Variants in RRAS2 observed in about 807,000 individuals in gnomAD.
RRAS2 encodes RAS related 2, also known as ras-related protein R-Ras2.
RRAS2 carries 7 observed loss-of-function variants against 27.6 expected under a neutral mutation model. The observed-to-expected ratio is 0.25, with a 90% CI of 0.14 to 0.48. The LOEUF (loss-of-function observed/expected upper bound fraction) is 0.48. Among genes scored for constraint, RRAS2 ranks in the 20% least tolerant of loss-of-function variants. The pLI is 0.99. For synonymous variants in RRAS2, 86 were observed against 90.9 expected (o/e 0.95, Z 0.31); for missense variants, 178 against 256.2 (o/e 0.69, Z 2.08).
chr11:14,362,634 A>G (rs567425385), upstream of RRAS2, among the ~76,000 whole-genome samples: 1 of 152,362 alleles, frequency 6.6e-6, no homozygotes, highest in African/African-American at 2.4e-5. Flanking sequence ...TTTTCATGAA[A>G]AAGAATGATC....
chr11:14,349,026 C>T (rs1159757336), intron 1 of RRAS2, among the ~76,000 whole-genome samples: 3 of 152,162 alleles, frequency 2.0e-5, no homozygotes, highest in South Asian at 2.1e-4. Flanking sequence ...AGTGCAGTGG[C>T]GCGATCTCGG....
At chr11:14,343,648 C>G (rs192305277) in intron 1 of RRAS2, among the ~76,000 whole-genome samples, 2 of 151,218 alleles carry the variant, frequency 1.3e-5, no homozygotes, top group African/African-American at 2.4e-5. Context: ...CTGGGCAGCA[C>G]GGCGAAACCC....
At chr11:14,323,881 ACT>A (rs1213590364) in intron 1 of RRAS2, among the ~76,000 whole-genome samples, 1 of 152,044 alleles carries the variant, frequency 6.6e-6, no homozygotes, top group Non-Finnish European at 1.5e-5. Flanking sequence ...GAATATATAG[ACT>A]TTTTTAAAAT....
intron 4 of RRAS2, among the ~76,000 whole-genome samples, chr11:14,283,945 T>G (rs1482581976): frequency 6.6e-6 from 1 of 152,294 alleles, no homozygotes; most frequent in Non-Finnish European, 1.5e-5. Context: ...GCAATCCTCC[T>G]GCCTCAGCCT....
chr11:14,303,539 C>G (rs371442732), intron 1 of RRAS2, among the ~76,000 whole-genome samples: 1 of 152,152 alleles, frequency 6.6e-6, no homozygotes, highest in African/African-American at 2.4e-5. Context: ...GAGTTTGAGA[C>G]CGGCCTCAGC....
At chr11:14,295,511 A>G (rs1847520939) in intron 2 of RRAS2, among the ~76,000 whole-genome samples, 1 of 152,186 alleles carries the variant, frequency 6.6e-6, no homozygotes, top group Non-Finnish European at 1.5e-5. Flanking sequence ...GTCCCAATAA[A>G]ATCAACTTCA....
chr11:14,295,051 G>GT (rs1392838990), intron 2 of RRAS2, among the ~76,000 whole-genome samples, 189 bp from the exon 3 acceptor site: 2 of 152,130 alleles, frequency 1.3e-5, no homozygotes, highest in Admixed American at 6.5e-5. Flanking sequence ...CAGTTACAGA[G>GT]TTTATCTTCA....
At chr11:14,317,719 C>T (rs1848140655) in intron 1 of RRAS2, among the ~76,000 whole-genome samples, 1 of 152,118 alleles carries the variant, frequency 6.6e-6, no homozygotes, top group Admixed American at 6.5e-5. Flanking sequence ...AATGAACTTA[C>T]TAGTTTTTCC....
At chr11:14,340,621 T>C (rs1848684737) in intron 1 of RRAS2, among the ~76,000 whole-genome samples, 1 of 152,188 alleles carries the variant, frequency 6.6e-6, no homozygotes, top group Admixed American at 6.5e-5. Context: ...AAGCAAATGC[T>C]TTTTCAAGTT....
At chr11:14,343,147 T>C (rs963124251) in intron 1 of RRAS2, among the ~76,000 whole-genome samples, 23 of 152,198 alleles carry the variant, frequency 1.5e-4, no homozygotes, top group African/African-American at 4.6e-4. Context: ...GACAACTTCA[T>C]TGGATAATCA....
chr11:14,339,322 TA>T (rs1203596321), intron 1 of RRAS2, among the ~76,000 whole-genome samples: 1 of 115,254 alleles, frequency 8.7e-6, no homozygotes, highest in African/African-American at 3.2e-5. Flanking sequence ...AAATCTATAA[TA>T]AAAAAATAAA....
rs559846399 is a variant in RRAS2 at position 14,358,195 on chromosome 11, A to T, written c.108+568T>A. 4.1e-6 allele frequency: 4 copies of T among 982,974 alleles called. No homozygotes were observed. The highest frequency in any genetic ancestry group is 6.1e-5 in the Admixed American group (1 of 16,290). 60.9% of individuals were successfully genotyped at this position (982,974 alleles called of 1,614,324 possible). A position where few individuals can be genotyped will look rare whatever the true frequency, so the allele number is the denominator to read the frequency against. On this transcript the variant is annotated intron_variant, in intron 1 of 5. Transcript: ENST00000256196. This position sits in a 1 kb window ranked among gnomAD's most constrained non-coding sequence, Gnocchi z 5.1. ...CATTATCACACACTCCCACCCGGAC[A>T]TATTACCTAAGAGAGTACTTATAAA...
intron 1 of RRAS2, among the ~76,000 whole-genome samples, chr11:14,335,745 C>G (rs1848576470): frequency 6.6e-6 from 1 of 152,210 alleles, no homozygotes; most frequent in African/African-American, 2.4e-5. Context: ...GAAACCAACA[C>G]TGTGGTGAGT....
At chr11:14,285,439 T>C (rs1849635525) in intron 4 of RRAS2, among the ~76,000 whole-genome samples, 1 of 152,216 alleles carries the variant, frequency 6.6e-6, no homozygotes, top group Admixed American at 6.5e-5. Context: ...TCTTTTTTGT[T>C]ATTAACTTTT....
At chr11:14,330,048 C>A (rs1469675678) in intron 1 of RRAS2, among the ~76,000 whole-genome samples, 2 of 152,140 alleles carry the variant, frequency 1.3e-5, no homozygotes, top group Non-Finnish European at 2.9e-5. Flanking sequence ...GCACCCCAGG[C>A]TGGGCCACAG....
chr11:14,302,073 T>TACATACACACACACAC (rs1554947495), intron 1 of RRAS2, among the ~76,000 whole-genome samples: 1 of 142,362 alleles, frequency 7.0e-6, no homozygotes, highest in South Asian at 2.3e-4. Flanking sequence ...ACCACACACA[T>TACATACACACACACAC]ACACACACAC....
chr11:14,333,298 T>C (rs1429872165), intron 1 of RRAS2, among the ~76,000 whole-genome samples: 1 of 152,198 alleles, frequency 6.6e-6, no homozygotes, highest in Non-Finnish European at 1.5e-5. Context: ...TTATGGTTCT[T>C]ATCCCTGGAG....
chr11:14,333,539 T>C (rs1297141979), intron 1 of RRAS2, among the ~76,000 whole-genome samples: 3 of 152,334 alleles, frequency 2.0e-5, no homozygotes, highest in Middle Eastern at 3.4e-3. Context: ...ATGCCCACTC[T>C]TAGCTTGTGT....
intron 1 of RRAS2, among the ~76,000 whole-genome samples, chr11:14,331,300 GTA>G (rs1848475353): frequency 6.6e-6 from 1 of 152,056 alleles, no homozygotes; most frequent in South Asian, 2.1e-4. Flanking sequence ...AGTGTACTAA[GTA>G]AATATATTCT....
Sources: allele counts gnomAD v4.1 joint callset (sites outside exome capture counted in the v4.1 genomes callset), GRCh38; gene constraint gnomAD v4.1.1; non-coding constraint Gnocchi (gnomAD v3.1); transcripts MANE v1.5; gene names NCBI Gene and HGNC (gene_info 2026-07-23, HGNC 2026-07-21).